The following PPFIBP2 variants were observed in gnomAD, a reference collection of about 807,000 sequenced individuals.
PPFIBP2 encodes the protein PPFIB scaffold protein 2, also known as liprin-beta-2.
A neutral mutation model predicts 118.3 loss-of-function variants in PPFIBP2; 118 were observed. The ratio of observed to expected loss-of-function variants is 1.00; its 90% confidence interval spans 0.86 to 1.16. PPFIBP2 has a LOEUF of 1.16. PPFIBP2 is among the 50% of genes most tolerant of loss of function. The probability of loss-of-function intolerance (pLI) is 0.00; values close to 1 mark genes in which losing one functional copy is unlikely to be tolerated. For missense variants in PPFIBP2, 1,195 were observed against 1,073.1 expected (o/e 1.11, Z -1.59); for synonymous variants, 414 against 397.4 (o/e 1.04, Z -0.50).
chr11:7,646,816 T>C (rs1361096701), intron 17 of PPFIBP2, among the ~76,000 whole-genome samples: 3 of 152,188 alleles, frequency 2.0e-5, no homozygotes, highest in African/African-American at 7.2e-5. Flanking sequence ...AATCAAACTA[T>C]AGAGGTACAT....
At chr11:7,569,925 C>G (rs559372455) in intron 3 of PPFIBP2, among the ~76,000 whole-genome samples, 67 of 152,264 alleles carry the variant, frequency 4.4e-4, no homozygotes, top group Admixed American at 2.7e-3. Context: ...TTCAGGAGCC[C>G]CAGAACCCCA....
At chr11:7,613,709 A>G (rs777389708) in intron 6 of PPFIBP2, among the ~76,000 whole-genome samples, 1 of 152,202 alleles carries the variant, frequency 6.6e-6, no homozygotes, top group Admixed American at 6.5e-5. Context: ...TGTTGCTCAG[A>G]TGGGCCTTCC....
Position 7,621,017 on chromosome 11 carries a change from A to T in PPFIBP2, c.701A>T (p.Lys234Met). The change falls in exon 7 of 24, where the codon AAG becomes ATG. Residue 234 changes from lysine (K) to methionine (M), a missense_variant. Coordinates refer to ENST00000299492, the MANE Select transcript of PPFIBP2 (RefSeq NM_003621.5). ...NERNQYEWKL[K>M]ATKAEVAQLQ... ...AGGAATCAGTATGAATGGAAGCTAA[A>T]GGCCACTAAGGTAAACGGCACTCCT... The T allele has an allele frequency of 6.2e-7, 1 of 1,606,446 alleles. No individual in the cohort carries two copies. Among genetic ancestry groups the T allele is most frequent in the Non-Finnish European group, 8.5e-7 (1 of 1,172,940 alleles).
intron 2 of PPFIBP2, among the ~76,000 whole-genome samples, chr11:7,552,062 G>T (rs1218001725): frequency 6.6e-6 from 1 of 152,202 alleles, no homozygotes; most frequent in African/African-American, 2.4e-5. Flanking sequence ...TTTTCTGTCT[G>T]GAACAGGTAT....
downstream of PPFIBP2, chr11:7,655,417 G>T (rs1350672125): frequency 6.2e-6 from 8 of 1,289,492 alleles, no homozygotes; most frequent in Non-Finnish European, 7.1e-6. Flanking sequence ...TGACCAGGCT[G>T]CTGCCCATTT....
chr11:7,666,923 T>C, the PPFIBP2 span: 1 of 171,034 alleles, frequency 5.8e-6, no homozygotes, highest in Non-Finnish European at 1.2e-5. Flanking sequence ...ACAAGCTCAG[T>C]GCAGGCCCAG....
chr11:7,632,061 G>A (rs1044618860), intron 11 of PPFIBP2, among the ~76,000 whole-genome samples: 1 of 152,210 alleles, frequency 6.6e-6, no homozygotes, highest in African/African-American at 2.4e-5. Context: ...GTGATGCTAG[G>A]TGCACTGCTG....
At chr11:7,654,369 G>A (rs1854489878), downstream of PPFIBP2, among the ~76,000 whole-genome samples, 1 of 152,190 alleles carries the variant, frequency 6.6e-6, no homozygotes, top group Non-Finnish European at 1.5e-5. Context: ...TTGCCCCCAG[G>A]CAGTGCTTGG....
intron 1 of PPFIBP2, among the ~76,000 whole-genome samples, chr11:7,522,948 T>C (rs1483508988): frequency 6.6e-6 from 1 of 152,122 alleles, no homozygotes; most frequent in Non-Finnish European, 1.5e-5. Flanking sequence ...CTACCCAGAC[T>C]TCAGGGCACA....
chr11:7,576,067 T>G (rs1856282008), intron 3 of PPFIBP2, among the ~76,000 whole-genome samples: 1 of 152,232 alleles, frequency 6.6e-6, no homozygotes, highest in African/African-American at 2.4e-5. Context: ...TCTCCCCTTT[T>G]GGGCCCTGCT....
At chr11:7,560,837 G>A (rs1016743009) in intron 2 of PPFIBP2, among the ~76,000 whole-genome samples, 37 of 152,304 alleles carry the variant, frequency 2.4e-4, no homozygotes, top group East Asian at 7.7e-4. Flanking sequence ...AACAATTTAC[G>A]TAGGTGAAAA....
chr11:7,611,040 C>T (rs989573952), intron 6 of PPFIBP2, among the ~76,000 whole-genome samples: 3 of 152,202 alleles, frequency 2.0e-5, no homozygotes, highest in African/African-American at 7.2e-5. Context: ...AGCAGGCAGC[C>T]TGTTTTAACC....
intron 1 of PPFIBP2, among the ~76,000 whole-genome samples, chr11:7,521,441 T>C (rs1277811445): frequency 6.6e-6 from 1 of 152,252 alleles, no homozygotes; most frequent in Non-Finnish European, 1.5e-5. Flanking sequence ...TTCTATTCTT[T>C]TGTGCCTATC....
At chr11:7,634,657 TTA>T (rs1851221590) in intron 13 of PPFIBP2, 105 bp downstream of exon 13, 1 of 868,428 alleles carries the variant, frequency 1.2e-6, no homozygotes, top group South Asian at 1.4e-5. Context: ...GTAGAGGATT[TTA>T]TAAAGTTGTA....
At chr11:7,652,804 T>C (rs774514835) in intron 23 of PPFIBP2, among the ~76,000 whole-genome samples, 1 of 152,198 alleles carries the variant, frequency 6.6e-6, no homozygotes, top group Non-Finnish European at 1.5e-5. Flanking sequence ...AGGCATAGTA[T>C]TGGAGGGGCA....
At chr11:7,625,530 G>A (rs1328904803) in intron 7 of PPFIBP2, among the ~76,000 whole-genome samples, 3 of 152,242 alleles carry the variant, frequency 2.0e-5, no homozygotes, top group Non-Finnish European at 4.4e-5. Flanking sequence ...GGTCAGGTAG[G>A]AAGATGCAGG....
intron 1 of PPFIBP2, among the ~76,000 whole-genome samples, chr11:7,525,107 A>T (rs1850107689): frequency 6.6e-6 from 1 of 152,046 alleles, no homozygotes; most frequent in African/African-American, 2.4e-5. Context: ...CTGCCCCCTC[A>T]TTCTATCATG....
chr11:7,584,715 CT>C (rs1565006411), intron 3 of PPFIBP2, among the ~76,000 whole-genome samples: 1 of 152,166 alleles, frequency 6.6e-6, no homozygotes, highest in African/African-American at 2.4e-5. Context: ...TTGACTGTAG[CT>C]TTTGTGATCC....
At chr11:7,623,103 A>G (rs1164039188) in intron 7 of PPFIBP2, among the ~76,000 whole-genome samples, 2 of 152,180 alleles carry the variant, frequency 1.3e-5, no homozygotes, top group East Asian at 1.9e-4. Context: ...TGAGGTTCAC[A>G]TCTGGGTCTC....
Sources: gnomAD v4.1 joint callset for allele counts (sites outside exome capture counted in the v4.1 genomes callset) on GRCh38, gnomAD v4.1.1 for gene constraint, MANE v1.5 for transcripts, NCBI Gene and HGNC (gene_info 2026-07-23, HGNC 2026-07-21) for gene names.